SPAST: variants seen among roughly 807,000 people sequenced by gnomAD.
SPAST encodes the protein spastic paraplegia 4 (autosomal dominant; spastin).
In SPAST, 30 loss-of-function variants were observed where a neutral mutation model predicts 76.6. The observed-to-expected ratio is 0.39, with a 90% CI of 0.29 to 0.53. The LOEUF is 0.53. SPAST is among the 20% of genes least tolerant of loss of function. SPAST has a pLI of 0.68. For missense variants in SPAST, 717 were observed against 770.5 expected, an observed-to-expected ratio of 0.93 and a Z score of 0.82; for synonymous variants, 305 against 281.0, an observed-to-expected ratio of 1.09 and a Z score of -0.86.
At chr2:32,092,941 A>C (rs1677778153) in intron 3 of SPAST, among the ~76,000 whole-genome samples, 1 of 146,932 alleles carries the variant, frequency 6.8e-6, no homozygotes, top group South Asian at 2.4e-4. Context: ...CAGAAAATGG[A>C]GGTTGCATTG....
chr2:32,088,442 C>T (rs1361970649), intron 2 of SPAST, among the ~76,000 whole-genome samples: 2 of 152,198 alleles, frequency 1.3e-5, no homozygotes, highest in Admixed American at 6.5e-5. Flanking sequence ...ATCAGGAGTT[C>T]GAGACCAGCC....
Position 32,136,443 on chromosome 2 carries a change from T to A in SPAST, c.1246-120T>A, listed in dbSNP as rs542885623. Reference sequence around the variant, plus strand: ...GTACTCTCCCCTTTCTCAAACCAAATCTTTGGTTGTTTTAAGGAAGGGAAA... The same window carrying A: ...GTACTCTCCCCTTTCTCAAACCAAAACTTTGGTTGTTTTAAGGAAGGGAAA... On this transcript the variant is annotated intron_variant, in intron 9 of 16. Coordinates refer to ENST00000315285, the MANE Select transcript of SPAST (RefSeq NM_014946.4). The A allele has an allele frequency of 7.7e-6, 6 of 780,688 alleles. No individual in the cohort carries two copies. The African/African-American group carries it at 1.0e-4, about 13-fold the overall frequency. 48.4% of individuals were successfully genotyped at this position (780,688 alleles called of 1,614,324 possible).
chr2:32,079,688 A>T (rs1677125563), intron 1 of SPAST, among the ~76,000 whole-genome samples: 1 of 150,938 alleles, frequency 6.6e-6, no homozygotes, highest in East Asian at 2.0e-4. Flanking sequence ...CCTCCCAAGT[A>T]GCTGGGACCA....
At chr2:32,083,776 AT>A (rs1178658126) in intron 1 of SPAST, among the ~76,000 whole-genome samples, 26 of 46,032 alleles carry the variant, frequency 5.6e-4, no homozygotes, top group South Asian at 1.9e-3. Flanking sequence ...ATATATATAT[AT>A]TTTTTTTTTT....
chr2:32,076,614 A>G (rs1481097244), intron 1 of SPAST, among the ~76,000 whole-genome samples: 1 of 152,192 alleles, frequency 6.6e-6, no homozygotes, highest in Non-Finnish European at 1.5e-5. Flanking sequence ...TCCCTGAATT[A>G]ATCAGTGATT....
chr2:32,076,975 A>G (rs1676986876), intron 1 of SPAST, among the ~76,000 whole-genome samples: 3 of 151,996 alleles, frequency 2.0e-5, no homozygotes, highest in African/African-American at 4.8e-5. Flanking sequence ...TCCCAGGTTC[A>G]AACGATTCTC....
intron 1 of SPAST, among the ~76,000 whole-genome samples, chr2:32,083,776 ATTTTT>A (rs1178658126): frequency 2.2e-5 from 1 of 46,088 alleles, no homozygotes; most frequent in Non-Finnish European, 3.7e-5. Context: ...ATATATATAT[ATTTTT>A]TTTTTTTTTT....
chr2:32,128,370 T>C, intron 8 of SPAST, 38 bp from the exon 9 acceptor site: 1 of 1,337,396 alleles, frequency 7.5e-7, no homozygotes, highest in Non-Finnish European at 1.1e-6. Flanking sequence ...ATGTAATATA[T>C]TGAACTAATT....
intron 4 of SPAST, among the ~76,000 whole-genome samples, chr2:32,104,066 A>G (rs1186541969): frequency 6.6e-6 from 1 of 152,174 alleles, no homozygotes; most frequent in Admixed American, 6.5e-5. Context: ...GAAGTCTCCC[A>G]GTATTATTGT....
intron 3 of SPAST, among the ~76,000 whole-genome samples, chr2:32,092,294 A>G (rs1020217017): frequency 1.3e-5 from 2 of 152,204 alleles, no homozygotes; most frequent in South Asian, 2.1e-4. Flanking sequence ...TAAATAGTGT[A>G]TTAAAGTTTG....
intron 4 of SPAST, among the ~76,000 whole-genome samples, chr2:32,110,108 T>TTTTTTG (rs1229175899): frequency 2.4e-5 from 2 of 82,940 alleles, no homozygotes; most frequent in Non-Finnish European, 5.4e-5. Context: ...TTTTTTGTTT[T>TTTTTTG]TTTTTTTTGT....
Position 32,064,128 on chromosome 2 carries a change from T to TGCCTCG in SPAST, c.307_312dup (p.Ser103_Ala104dup), listed in dbSNP as rs758749127. Reference sequence around the variant, plus strand: ...GGAGCTCCGGGGCCGCGCCAGCACCTGCCTCGGCCTCGGCCCCGGCGCCGG... The same window carrying TGCCTCG: ...GGAGCTCCGGGGCCGCGCCAGCACCTGCCTCGGCCTCGGCCTCGGCCCCGGCGCCGG... On this transcript the variant is annotated inframe_insertion, in exon 1 of 17. Transcript: ENST00000315285. The TGCCTCG allele has an allele frequency of 2.1e-5, 33 of 1,584,090 alleles. No individual in the cohort carries two copies. In the East Asian group the frequency reaches 3.7e-4, roughly 18 times the overall value.
intron 7 of SPAST, among the ~76,000 whole-genome samples, chr2:32,123,340 A>C (rs112996138): frequency 1.7e-4 from 26 of 152,174 alleles, no homozygotes; most frequent in Non-Finnish European, 1.3e-4. Flanking sequence ...TTGTTGTAGA[A>C]GATCTATATG....
chr2:32,128,512 T>C, intron 9 of SPAST, 33 bp downstream of exon 9: 1 of 1,343,264 alleles, frequency 7.4e-7, no homozygotes, highest in Non-Finnish European at 1.1e-6. Context: ...TGTCGTATTT[T>C]AAGTTACTGT....
rs758163974 is a variant in SPAST, at chr2:32,064,112, G to A, written c.281G>A (p.Gly94Glu). ...CTCATGGCAGCCAAGAGGAGCTCCG[G>A]GGCCGCGCCAGCACCTGCCTCGGCC... ...RALMAAKRSS[G>E]AAPAPASASA... is the part of the protein sequence containing the mutation. Residue 94 changes from glycine (G) to glutamate (E), a missense_variant, in exon 1 of 17, where the codon GGG becomes GAG. This residue lies in a region of SPAST where 543 missense variants were observed against 445.2 expected (regional missense o/e 1.22). Coordinates refer to ENST00000315285, the MANE Select transcript of SPAST (RefSeq NM_014946.4). 1 of 1,600,988 alleles carries A rather than the reference G, an allele frequency of 6.2e-7. No homozygotes were observed. The highest frequency in any genetic ancestry group is 8.5e-7 in the Non-Finnish European group (1 of 1,174,196).
At chr2:32,151,234 T>G (rs11678119) in intron 16 of SPAST, among the ~76,000 whole-genome samples, 1 of 151,986 alleles carries the variant, frequency 6.6e-6, no homozygotes, top group Non-Finnish European at 1.5e-5. Context: ...TGAGCCACCA[T>G]GCCTGGCTCT....
At position 32,064,091 on chromosome 2, in the gene SPAST, T is replaced by A. The variant is rs1230056343; in HGVS notation, c.260T>A (p.Met87Lys). 1 of 1,610,876 alleles carries A rather than the reference T, an allele frequency of 6.2e-7. No homozygotes were observed. The highest frequency in any genetic ancestry group is 8.5e-7 in the Non-Finnish European group (1 of 1,178,870). ...TGCCAGCGCTTCTCCCGCGCCCTCA[T>A]GGCAGCCAAGAGGAGCTCCGGGGCC... ...WLCQRFSRAL[M>K]AAKRSSGAAP... Residue 87 changes from methionine (M) to lysine (K), a missense_variant, in exon 1 of 17, where the codon ATG (methionine) becomes AAG (lysine). Physicochemically the swap from Met to Lys is moderately conservative, Grantham distance 95 (BLOSUM62 -1). Coordinates refer to ENST00000315285, the MANE Select transcript of SPAST (RefSeq NM_014946.4).
intron 8 of SPAST, 131 bp downstream of exon 8, chr2:32,127,153 TG>T: frequency 1.4e-6 from 1 of 733,740 alleles, no homozygotes; most frequent in Non-Finnish European, 2.4e-6. Context: ...TTGTTTTTTT[TG>T]TTTGTTTGTT....
intron 9 of SPAST, among the ~76,000 whole-genome samples, chr2:32,132,539 TTTTA>T (rs1221751244): frequency 4.6e-5 from 7 of 152,216 alleles, no homozygotes; most frequent in African/African-American, 1.7e-4. Flanking sequence ...CTTTTTTTTT[TTTTA>T]TGAGACAGCC....
Sources: allele counts gnomAD v4.1 joint callset (sites outside exome capture counted in the v4.1 genomes callset), GRCh38; gene constraint gnomAD v4.1.1; regional missense constraint gnomAD v4.1.1; transcripts MANE v1.5; gene names NCBI Gene and HGNC (gene_info 2026-07-23, HGNC 2026-07-21).